Variants in KCNB2 observed in about 807,000 individuals in gnomAD.
The protein encoded by KCNB2 is potassium voltage-gated channel subfamily B member 2.
In KCNB2, 15 loss-of-function variants were observed where a neutral mutation model predicts 61.5. The ratio of observed to expected loss-of-function variants is 0.24; its 90% CI spans 0.16 to 0.38. The LOEUF (loss-of-function observed/expected upper bound fraction) is 0.38. Ranked by LOEUF, KCNB2 falls within the 10% of genes least tolerant of loss-of-function variation. KCNB2 has a pLI of 1.00. For missense variants in KCNB2, 828 were observed against 1,125.2 expected, an observed-to-expected ratio of 0.74 and a Z score of 3.78; for synonymous variants, 457 against 446.0, an observed-to-expected ratio of 1.02 and a Z score of -0.31.
At chr8:72,740,489 A>G (rs1355117813) in intron 2 of KCNB2, among the ~76,000 whole-genome samples, 2 of 152,186 alleles carry the variant, frequency 1.3e-5, no homozygotes, top group Non-Finnish European at 2.9e-5. Context: ...CTATTAAGCC[A>G]TAGTAGTCAT....
At chr8:72,897,239 G>A (rs1384189396) in intron 2 of KCNB2, among the ~76,000 whole-genome samples, 1 of 151,132 alleles carries the variant, frequency 6.6e-6, no homozygotes, top group Non-Finnish European at 1.5e-5. Context: ...GTAGATAATA[G>A]AAAACTAATA....
At chr8:72,547,053 T>C (rs1442268564) in intron 1 of KCNB2, among the ~76,000 whole-genome samples, 1 of 152,174 alleles carries the variant, frequency 6.6e-6, no homozygotes, top group African/African-American at 2.4e-5. Flanking sequence ...AATCCTAGGG[T>C]CCTTAAGAAT....
chr8:72,804,973 G>T (rs1809193698), intron 2 of KCNB2, among the ~76,000 whole-genome samples: 1 of 152,148 alleles, frequency 6.6e-6, no homozygotes, highest in Non-Finnish European at 1.5e-5. Context: ...TCAACCTCAA[G>T]TCATTAGGTT....
At chr8:72,703,845 A>T (rs1807174140) in intron 2 of KCNB2, among the ~76,000 whole-genome samples, 1 of 152,228 alleles carries the variant, frequency 6.6e-6, no homozygotes, top group African/African-American at 2.4e-5. Context: ...ATTAGGAAGG[A>T]AGCACTGGAC....
intron 2 of KCNB2, among the ~76,000 whole-genome samples, chr8:72,801,153 G>A (rs576281643): frequency 6.6e-6 from 1 of 152,294 alleles, no homozygotes; most frequent in South Asian, 2.1e-4. Flanking sequence ...GCAACACTAA[G>A]TTTTACTAGA....
chr8:72,789,551 G>A (rs887748447), intron 2 of KCNB2, among the ~76,000 whole-genome samples: 26 of 152,130 alleles, frequency 1.7e-4, no homozygotes, highest in African/African-American at 5.3e-4. Context: ...AGACAAAGCC[G>A]TGAAGGAACA....
intron 2 of KCNB2, among the ~76,000 whole-genome samples, chr8:72,713,952 G>A (rs1322882271): frequency 6.6e-6 from 1 of 152,202 alleles, no homozygotes; most frequent in Non-Finnish European, 1.5e-5. Flanking sequence ...AACCAATGCA[G>A]AGAAGTCCTT....
intron 2 of KCNB2, among the ~76,000 whole-genome samples, chr8:72,648,356 T>C (rs1806163300): frequency 6.6e-6 from 1 of 152,172 alleles, no homozygotes; most frequent in Non-Finnish European, 1.5e-5. Flanking sequence ...AAAGTATCAG[T>C]GGTTCACTGG....
chr8:72,884,438 T>C (rs1324393754), intron 2 of KCNB2, among the ~76,000 whole-genome samples: 1 of 152,152 alleles, frequency 6.6e-6, no homozygotes. Flanking sequence ...GCTTTTGTTT[T>C]ACAGAAGTTT....
At chr8:72,912,400 T>C (rs1806312878) in intron 2 of KCNB2, among the ~76,000 whole-genome samples, 1 of 151,686 alleles carries the variant, frequency 6.6e-6, no homozygotes, top group African/African-American at 2.4e-5. Context: ...ATAGCCTTTA[T>C]GAGACAAGTC....
At position 72,859,706 on chromosome 8, in the gene KCNB2, C is replaced by CTTTTTTTTTTTTTTTTTTTTTTTTTTT. The variant is rs1810264452; in HGVS notation, c.580-76229_580-76228insTTTTTTTTTTTTTTTTTTTTTTTTTTT. On this transcript the variant is annotated intron_variant, in intron 2 of 2. Coordinates refer to ENST00000523207, the MANE Select transcript of KCNB2 (RefSeq NM_004770.3). The stretch of plus-strand genomic sequence containing the variant: ...TGTAGCATGGATCAGTACTTCATTT[C>CTTTTTTTTTTTTTTTTTTTTTTTTTTT]GTTTTTTTTTTTTTTTTTTTTTTTT... Among the ~76,000 whole-genome samples the CTTTTTTTTTTTTTTTTTTTTTTTTTTT allele has an allele frequency of 4.8e-4, 35 of 73,442 alleles. 16 individuals carry two copies. Among genetic ancestry groups the CTTTTTTTTTTTTTTTTTTTTTTTTTTT allele is most frequent in the African/African-American group, 5.9e-4 (10 of 17,008 alleles). The allele number at this position is 73,442 out of a possible 152,430, so 48.2% of individuals were successfully genotyped here. A position where few individuals can be genotyped will look rare whatever the true frequency, so the allele number is the denominator to read the frequency against.
chr8:72,897,590 A>G (rs1400065506), intron 2 of KCNB2, among the ~76,000 whole-genome samples: 1 of 152,190 alleles, frequency 6.6e-6, no homozygotes, highest in Non-Finnish European at 1.5e-5. Flanking sequence ...AATTAGCTCC[A>G]TGACCAGAAC....
At chr8:72,682,576 G>C (rs1316839325) in intron 2 of KCNB2, among the ~76,000 whole-genome samples, 1 of 149,054 alleles carries the variant, frequency 6.7e-6, no homozygotes, top group South Asian at 2.1e-4. Context: ...GGAAGTCATG[G>C]ACACTAAAGT....
At chr8:72,792,003 A>G (rs1808952578) in intron 2 of KCNB2, among the ~76,000 whole-genome samples, 1 of 152,200 alleles carries the variant, frequency 6.6e-6, no homozygotes, top group Admixed American at 6.5e-5. Flanking sequence ...GAGAAAAATC[A>G]CAAGGATTGC....
At chr8:72,738,012 T>C (rs1205033142) in intron 2 of KCNB2, among the ~76,000 whole-genome samples, 1 of 152,184 alleles carries the variant, frequency 6.6e-6, no homozygotes, top group Non-Finnish European at 1.5e-5. Context: ...ATTTCCAGAC[T>C]ATTTATATCA....
At chr8:72,882,096 T>A (rs1044768300) in intron 2 of KCNB2, among the ~76,000 whole-genome samples, 31 of 151,424 alleles carry the variant, frequency 2.0e-4, no homozygotes, top group African/African-American at 7.3e-4. Flanking sequence ...AAAAAAAAAA[T>A]GTACTGAAGT....
At chr8:72,895,951 T>C (rs1805981333) in intron 2 of KCNB2, among the ~76,000 whole-genome samples, 1 of 152,198 alleles carries the variant, frequency 6.6e-6, no homozygotes, top group Non-Finnish European at 1.5e-5. Flanking sequence ...AAGTCTATAT[T>C]TTATAACTAT....
chr8:72,602,155 T>G (rs1483829847), intron 2 of KCNB2, among the ~76,000 whole-genome samples: 1 of 152,232 alleles, frequency 6.6e-6, no homozygotes, highest in African/African-American at 2.4e-5. Flanking sequence ...TTCTTGATAC[T>G]AATAACTGAT....
intron 2 of KCNB2, among the ~76,000 whole-genome samples, chr8:72,630,427 A>T (rs1168434521): frequency 6.6e-6 from 1 of 152,156 alleles, no homozygotes; most frequent in Non-Finnish European, 1.5e-5. Flanking sequence ...CTTCAATCTT[A>T]TATGTTTAGT....
Sources: gnomAD v4.1 joint callset for allele counts (sites outside exome capture counted in the v4.1 genomes callset) on GRCh38, gnomAD v4.1.1 for gene constraint, MANE v1.5 for transcripts, NCBI Gene and HGNC (gene_info 2026-07-23, HGNC 2026-07-21) for gene names.